Variants in DLG2 observed in about 807,000 individuals in gnomAD.
DLG2 encodes disks large homolog 2.
Under a neutral mutation model 132.5 loss-of-function variants are expected in DLG2, and 45 were observed. The observed-to-expected ratio is 0.34, with a 90% CI of 0.27 to 0.44. DLG2 has a LOEUF of 0.44. DLG2 is among the 20% of genes least tolerant of loss of function. The pLI, the probability that DLG2 is intolerant of heterozygous loss-of-function variation, is 1.00. For synonymous variants in DLG2, 424 were observed against 419.6 expected, an observed-to-expected ratio of 1.01 and a Z score of -0.13; for missense variants, 1,045 against 1,196.9, an observed-to-expected ratio of 0.87 and a Z score of 1.87.
At chr11:84,884,757 T>C (rs10466727) in intron 6 of DLG2, among the ~76,000 whole-genome samples, 14,674 of 152,118 alleles carry the variant, frequency 0.096, 937 homozygotes, top group African/African-American at 0.18. Context: ...ATCTGCAGAT[T>C]CTCTTTCCAC....
chr11:84,819,535 T>C (rs2153981429), intron 6 of DLG2, among the ~76,000 whole-genome samples: 1 of 151,842 alleles, frequency 6.6e-6, no homozygotes, highest in South Asian at 2.1e-4. Context: ...TGTCATGATC[T>C]CTTAGACAAT....
At position 85,400,539 on chromosome 11, in the gene DLG2, C is replaced by T. The variant is rs995026391; in HGVS notation, c.41-115174G>A. Among the ~76,000 whole-genome samples, 71 of 149,378 alleles carry T rather than the reference C, an allele frequency of 4.8e-4. 1 individual carries two copies. The highest frequency in any genetic ancestry group is 8.1e-4 in the Admixed American group (12 of 14,906). On this transcript the variant is annotated intron_variant, in intron 3 of 27. Coordinates refer to ENST00000376104, the MANE Select transcript of DLG2 (RefSeq NM_001142699.3). Reference sequence around the variant, plus strand: ...AAAGACTTGGAACCAACCCAAATGTCCGACAATGATAGACTGGATTAAGAA... The same window carrying T: ...AAAGACTTGGAACCAACCCAAATGTTCGACAATGATAGACTGGATTAAGAA...
chr11:84,994,164 C>G (rs2057409238), intron 6 of DLG2, among the ~76,000 whole-genome samples: 1 of 152,180 alleles, frequency 6.6e-6, no homozygotes, highest in South Asian at 2.1e-4. Flanking sequence ...TGGGACCAAA[C>G]AATATGTAGT....
intron 3 of DLG2, among the ~76,000 whole-genome samples, chr11:85,305,638 G>T (rs890320913): frequency 1.3e-4 from 19 of 151,990 alleles, no homozygotes; most frequent in East Asian, 3.9e-4. Context: ...TCAGCCTCCC[G>T]AGTAGCTGGG....
intron 16 of DLG2, among the ~76,000 whole-genome samples, chr11:83,845,020 A>G (rs980939191): frequency 2.0e-5 from 3 of 152,242 alleles, no homozygotes; most frequent in African/African-American, 7.2e-5. Flanking sequence ...ATGGTATTAC[A>G]GCATATAAGC....
At chr11:84,344,827 T>G (rs1344772467) in intron 7 of DLG2, among the ~76,000 whole-genome samples, 1 of 152,186 alleles carries the variant, frequency 6.6e-6, no homozygotes, top group African/African-American at 2.4e-5. Context: ...AAAGGCAATT[T>G]CACATTTTTA....
intron 17 of DLG2, among the ~76,000 whole-genome samples, chr11:83,829,601 A>G (rs2053879280): frequency 6.6e-6 from 1 of 152,132 alleles, no homozygotes; most frequent in South Asian, 2.1e-4. Flanking sequence ...TATCTTCCAT[A>G]TTCCATTATT....
At chr11:84,848,425 C>T (rs766787869) in intron 6 of DLG2, among the ~76,000 whole-genome samples, 4 of 151,928 alleles carry the variant, frequency 2.6e-5, no homozygotes, top group Admixed American at 6.6e-5. Context: ...ACCCAAGAGG[C>T]GGAGGTTGCA....
At chr11:84,824,989 CTG>C (rs1322019519) in intron 6 of DLG2, among the ~76,000 whole-genome samples, 1 of 151,888 alleles carries the variant, frequency 6.6e-6, no homozygotes, top group Non-Finnish European at 1.5e-5. Context: ...ATCTTTAGAA[CTG>C]TAAGGAAAAA....
intron 11 of DLG2, among the ~76,000 whole-genome samples, chr11:84,015,039 T>C (rs1296682120): frequency 1.3e-5 from 2 of 152,162 alleles, no homozygotes; most frequent in Non-Finnish European, 2.9e-5. Context: ...CTCACATTGA[T>C]TTTTTCACCT....
intron 9 of DLG2, among the ~76,000 whole-genome samples, chr11:84,124,647 A>G (rs1465425491): frequency 6.6e-6 from 1 of 152,108 alleles, no homozygotes; most frequent in Non-Finnish European, 1.5e-5. Flanking sequence ...CCCACACGGT[A>G]CATGTCAAAG....
chr11:84,652,386 G>A (rs1309812991), intron 6 of DLG2, among the ~76,000 whole-genome samples: 1 of 152,148 alleles, frequency 6.6e-6, no homozygotes, highest in Admixed American at 6.6e-5. Context: ...GGCTATGGGA[G>A]GAAATTTAGG....
At chr11:84,217,416 TC>T (rs1303839502) in intron 8 of DLG2, among the ~76,000 whole-genome samples, 1 of 152,198 alleles carries the variant, frequency 6.6e-6, no homozygotes, top group Non-Finnish European at 1.5e-5. Flanking sequence ...AAGTCTCTTC[TC>T]TTGTCTGCCG....
intron 7 of DLG2, among the ~76,000 whole-genome samples, chr11:84,454,248 A>C (rs2099059332): frequency 6.6e-6 from 1 of 151,560 alleles, no homozygotes. Context: ...AGGAAGAAGA[A>C]GGCAAAAATT....
intron 10 of DLG2, among the ~76,000 whole-genome samples, chr11:84,092,319 G>A (rs1230506289): frequency 6.6e-6 from 1 of 152,226 alleles, no homozygotes; most frequent in Non-Finnish European, 1.5e-5. Flanking sequence ...ATAGATAACA[G>A]AGTTGTATTG....
chr11:84,874,872 C>T (rs980912947), intron 6 of DLG2, among the ~76,000 whole-genome samples: 2 of 151,864 alleles, frequency 1.3e-5, no homozygotes, highest in African/African-American at 4.8e-5. Context: ...AATACAAAAA[C>T]TAGCCACACA....
At chr11:83,747,760 T>A (rs2093026128) in intron 18 of DLG2, among the ~76,000 whole-genome samples, 1 of 151,926 alleles carries the variant, frequency 6.6e-6, no homozygotes, top group Non-Finnish European at 1.5e-5. Context: ...TATAGATGTT[T>A]CATATGAAGT....
chr11:84,266,504 A>T (rs1235871141), intron 7 of DLG2, among the ~76,000 whole-genome samples: 1 of 152,224 alleles, frequency 6.6e-6, no homozygotes, highest in South Asian at 2.1e-4. Context: ...AATGGACTAA[A>T]AATTGGGGTA....
intron 9 of DLG2, among the ~76,000 whole-genome samples, chr11:84,114,529 T>C (rs1465423723): frequency 6.6e-6 from 1 of 152,134 alleles, no homozygotes; most frequent in Non-Finnish European, 1.5e-5. Context: ...AGTTGAATGC[T>C]TATCAAATTA....
Sources: gnomAD v4.1 joint callset for allele counts (sites outside exome capture counted in the v4.1 genomes callset) on GRCh38, gnomAD v4.1.1 for gene constraint, MANE v1.5 for transcripts, NCBI Gene and HGNC (gene_info 2026-07-23, HGNC 2026-07-21) for gene names.